PTPRN2: variants seen among roughly 807,000 people sequenced by gnomAD.
The protein encoded by PTPRN2 is receptor-type tyrosine-protein phosphatase N2.
A neutral mutation model predicts 118.8 loss-of-function variants in PTPRN2; 74 were observed. The ratio of observed to expected loss-of-function variants is 0.62; its 90% CI spans 0.52 to 0.76. The LOEUF (loss-of-function observed/expected upper bound fraction) is 0.76. PTPRN2 is among the 30% of genes least tolerant of loss of function. PTPRN2 has a pLI of 0.00. For synonymous variants in PTPRN2, 641 were observed against 608.0 expected (o/e 1.05, Z -0.80); for missense variants, 1,481 against 1,394.4 (o/e 1.06, Z -0.99).
chr7:157,746,349 A>T (rs1800935685), intron 12 of PTPRN2, among the ~76,000 whole-genome samples: 1 of 146,306 alleles, frequency 6.8e-6, no homozygotes, highest in Non-Finnish European at 1.5e-5. Flanking sequence ...GATTCCCTAC[A>T]ACCCACAGTC....
Position 157,780,220 on chromosome 7 carries a change from G to A in PTPRN2, c.1789-97283C>T, listed in dbSNP as rs1803591257. On this transcript the variant is annotated intron_variant, in intron 12 of 22. Coordinates refer to ENST00000389418, the MANE Select transcript of PTPRN2 (RefSeq NM_002847.5). This position sits in a 1 kb window ranked among gnomAD's most constrained non-coding sequence, Gnocchi z 4.5. ...TCCTCCTGGTCTACCTCCAGCACAA[G>A]GACGTTCCTCAGAGCAAGGCATTTG... Among the ~76,000 whole-genome samples the A allele has an allele frequency of 6.6e-6, 1 of 152,188 alleles. No individual in the cohort carries two copies. Among genetic ancestry groups the A allele is most frequent in the African/African-American group, 2.4e-5 (1 of 41,448 alleles).
chr7:157,772,240 C>G (rs1802897565), intron 12 of PTPRN2, among the ~76,000 whole-genome samples: 9 of 151,364 alleles, frequency 5.9e-5, no homozygotes, highest in Non-Finnish European at 2.9e-5. Context: ...CACACATACA[C>G]ACAGACACAG....
chr7:158,240,999 G>C lies in PTPRN2; in HGVS notation c.278-35726C>G, dbSNP rs1381244103. 2.6e-5 allele frequency among the ~76,000 whole-genome samples: 4 copies of C among 152,288 alleles called. No homozygotes were observed. In the East Asian group the frequency reaches 7.8e-4, roughly 30 times the overall value. ...CCACTTCTGAATAAAGATGCCCCAA[G>C]GCAGCCCCGTGGGCAGGTGCCCTCA... On this transcript the variant is annotated intron_variant, in intron 3 of 22. Coordinates refer to ENST00000389418, the MANE Select transcript of PTPRN2 (RefSeq NM_002847.5).
intron 6 of PTPRN2, among the ~76,000 whole-genome samples, chr7:158,149,526 G>T (rs563634308): frequency 1.3e-5 from 2 of 152,272 alleles, no homozygotes; most frequent in South Asian, 2.1e-4. Context: ...AAGCCCGGCT[G>T]GGCGCAGTGG....
At chr7:157,804,476 C>T (rs1478752104) in intron 12 of PTPRN2, among the ~76,000 whole-genome samples, 1 of 152,092 alleles carries the variant, frequency 6.6e-6, no homozygotes, top group Admixed American at 6.5e-5. Context: ...CATGCAGCTG[C>T]TCCAGAGAAT....
intron 5 of PTPRN2, 144 bp from the exon 6 acceptor site, chr7:158,167,435 C>T: frequency 9.2e-7 from 1 of 1,092,598 alleles, no homozygotes. Context: ...GTTCAAGGTC[C>T]TAAACAGCCC....
At chr7:158,200,718 A>G (rs771294693) in intron 4 of PTPRN2, among the ~76,000 whole-genome samples, 2 of 152,230 alleles carry the variant, frequency 1.3e-5, no homozygotes, top group Non-Finnish European at 2.9e-5. Context: ...TTCTGACTAA[A>G]ATGCAGTAGA....
intron 11 of PTPRN2, among the ~76,000 whole-genome samples, chr7:158,066,080 A>G (rs888388910): frequency 2.6e-5 from 4 of 152,124 alleles, no homozygotes; most frequent in African/African-American, 9.7e-5. Context: ...GTATGTTTCC[A>G]TTTATTTCCT....
intron 3 of PTPRN2, among the ~76,000 whole-genome samples, chr7:158,303,837 C>T (rs1197306962): frequency 2.6e-5 from 4 of 152,230 alleles, no homozygotes; most frequent in African/African-American, 9.6e-5. Flanking sequence ...GGGCTGACAA[C>T]TACTGCTCCT....
Position 157,763,096 on chromosome 7 carries a change from C to A in PTPRN2, c.1789-80159G>T, listed in dbSNP as rs1180157121. 7.7e-6 allele frequency among the ~76,000 whole-genome samples: 1 copy of A among 130,552 alleles called. No individual in the cohort carries two copies. The allele number at this position is 130,552 out of a possible 152,430, so 85.6% of individuals were successfully genotyped here. ...CGCCCACTCATGGTCACAGAGCTAACCATCAGAGCCCACGGCCGCCCACTC... is the reference window on the plus strand; with the variant it reads ...CGCCCACTCATGGTCACAGAGCTAAACATCAGAGCCCACGGCCGCCCACTC... On this transcript the variant is annotated intron_variant, in intron 12 of 22. Transcript: ENST00000389418. The surrounding 1 kb of genome is among the most constrained non-coding windows in gnomAD (Gnocchi z 4.9).
chr7:158,154,150 C>A (rs1490723005), intron 6 of PTPRN2, among the ~76,000 whole-genome samples: 2 of 152,128 alleles, frequency 1.3e-5, no homozygotes, highest in Non-Finnish European at 2.9e-5. Flanking sequence ...AATGTCAGGG[C>A]AGAAACCCTA....
At chr7:158,068,464 C>T (rs943218361) in intron 11 of PTPRN2, among the ~76,000 whole-genome samples, 2 of 152,178 alleles carry the variant, frequency 1.3e-5, no homozygotes, top group Non-Finnish European at 1.5e-5. Context: ...GCACTCGGCA[C>T]CACCTTTGCA....
At chr7:157,737,436 G>A (rs1800366362) in intron 12 of PTPRN2, among the ~76,000 whole-genome samples, 2 of 152,260 alleles carry the variant, frequency 1.3e-5, no homozygotes. Flanking sequence ...CTACATGCAG[G>A]AGCATGGTGC....
intron 12 of PTPRN2, among the ~76,000 whole-genome samples, chr7:157,890,369 C>T (rs905444190): frequency 1.3e-5 from 2 of 152,144 alleles, no homozygotes; most frequent in Non-Finnish European, 2.9e-5. Flanking sequence ...AGGCTGGGCA[C>T]GGTGGCTCAG....
At chr7:157,811,332 T>TTATATATATATATATA (rs71189737) in intron 12 of PTPRN2, among the ~76,000 whole-genome samples, 2,336 of 130,802 alleles carry the variant, frequency 0.018, 18 homozygotes, top group Middle Eastern at 0.025. Context: ...ATCTACTCTA[T>TTATATATATATATATA]TATATATATA....
intron 21 of PTPRN2, among the ~76,000 whole-genome samples, chr7:157,561,216 C>T (rs769599463): frequency 6.6e-6 from 1 of 151,966 alleles, no homozygotes; most frequent in South Asian, 2.1e-4. Flanking sequence ...ATCCCTTCGG[C>T]CCCCGGGTCC....
At chr7:157,932,721 G>A (rs920078514) in intron 11 of PTPRN2, among the ~76,000 whole-genome samples, 1 of 152,058 alleles carries the variant, frequency 6.6e-6, no homozygotes, top group African/African-American at 2.4e-5. Context: ...TTAAGAGGAG[G>A]GGTGAGTCAC....
In PTPRN2 at chr7:157,607,139, G is replaced by C. The variant is rs150997028; in HGVS notation, c.2345-3064C>G. 2.6e-4 allele frequency among the ~76,000 whole-genome samples: 40 copies of C among 152,358 alleles called. No individual in the cohort carries two copies. The East Asian group carries it at 6.9e-3, about 26-fold the overall frequency. On this transcript the variant is annotated intron_variant, in intron 15 of 22. Transcript: ENST00000389418. ...GCTCCTGCACAAATTAGTTCTTGGA[G>C]AGTGAAAATTGGCAGTGGCAGGAAA...
At position 158,141,515 on chromosome 7, in the gene PTPRN2, T is replaced by C. The variant is rs143099123; in HGVS notation, c.911-3000A>G. Among the ~76,000 whole-genome samples, 651 of 152,348 alleles carry C rather than the reference T, an allele frequency of 4.3e-3. 3 individuals are homozygous for C. The highest frequency in any genetic ancestry group is 0.014 in the African/African-American group (566 of 41,584). Reference sequence around the variant, plus strand: ...ATGACTTTCCAAACACAAGTGCCGATGGCCTGTGGTGGGTTCTTTGAGTGA... The same window carrying C: ...ATGACTTTCCAAACACAAGTGCCGACGGCCTGTGGTGGGTTCTTTGAGTGA... On this transcript the variant is annotated intron_variant, in intron 6 of 22. Transcript: ENST00000389418.
Sources: allele counts gnomAD v4.1 joint callset (sites outside exome capture counted in the v4.1 genomes callset), GRCh38; gene constraint gnomAD v4.1.1; non-coding constraint Gnocchi (gnomAD v3.1); transcripts MANE v1.5; gene names NCBI Gene and HGNC (gene_info 2026-07-23, HGNC 2026-07-21).